The following DOCK1 variants were observed in gnomAD, a reference collection of about 807,000 sequenced individuals.
The protein encoded by DOCK1 is dedicator of cytokinesis 1.
In DOCK1, 138 loss-of-function variants were observed where a neutral mutation model predicts 262.7. The observed-to-expected ratio is 0.53, with a 90% CI of 0.46 to 0.61. DOCK1 has a LOEUF of 0.61. Among genes scored for constraint, DOCK1 ranks in the 20% least tolerant of loss-of-function variants. DOCK1 has a pLI of 0.00. For synonymous variants in DOCK1, 866 were observed against 867.4 expected, an observed-to-expected ratio of 1.00 and a Z score of 0.03; for missense variants, 1,908 against 2,370.7, an observed-to-expected ratio of 0.80 and a Z score of 4.05.
chr10:126,941,001 AAAC>A (rs2134249011), intron 1 of DOCK1, among the ~76,000 whole-genome samples: 1 of 152,350 alleles, frequency 6.6e-6, no homozygotes, highest in East Asian at 1.9e-4. Context: ...ACAGATGGAT[AAAC>A]AACCAAAGTA....
intron 1 of DOCK1, among the ~76,000 whole-genome samples, chr10:126,936,001 G>A: frequency 6.6e-6 from 1 of 152,176 alleles, no homozygotes; most frequent in Non-Finnish European, 1.5e-5. Flanking sequence ...AATTTTTTTA[G>A]ACAAGGCCTC....
At chr10:127,337,600 G>C (rs1414067607) in intron 29 of DOCK1, among the ~76,000 whole-genome samples, 4 of 152,164 alleles carry the variant, frequency 2.6e-5, no homozygotes, top group Non-Finnish European at 5.9e-5. Context: ...CCCAGCCTGT[G>C]TTCTTGGTTA....
chr10:127,364,512 C>T (rs1217149993), intron 33 of DOCK1, among the ~76,000 whole-genome samples: 5 of 152,088 alleles, frequency 3.3e-5, no homozygotes, highest in African/African-American at 7.2e-5. Flanking sequence ...ATTACAGGTG[C>T]GTGCCACCAC....
At chr10:127,410,187 C>A (rs2067760550) in intron 42 of DOCK1, among the ~76,000 whole-genome samples, 1 of 152,196 alleles carries the variant, frequency 6.6e-6, no homozygotes, top group Non-Finnish European at 1.5e-5. Flanking sequence ...TAAACTGGGA[C>A]CCTGTTTATT....
rs111405495 is a variant in DOCK1 at position 127,438,737 on chromosome 10, A to G, written c.5061-290A>G. ...CCTTTTGAAATATGCCCTAAATACC[A>G]TCCTCCCATCGTAAATGAACAATTC... On this transcript the variant is annotated intron_variant, in intron 48 of 51. Coordinates refer to ENST00000623213, the MANE Select transcript of DOCK1 (RefSeq NM_001290223.2). Among the ~76,000 whole-genome samples, 637 of 152,292 alleles carry G rather than the reference A, an allele frequency of 4.2e-3. 5 individuals carry two copies. Among genetic ancestry groups the G allele is most frequent in the African/African-American group, 0.011 (468 of 41,552 alleles).
chr10:127,373,917 G>C (rs2065344174), intron 34 of DOCK1, 51 bp downstream of exon 34: 1 of 1,565,908 alleles, frequency 6.4e-7, no homozygotes, highest in Non-Finnish European at 8.7e-7. Context: ...CAGAGACAGA[G>C]AGACCGTAAT....
chr10:127,059,410 T>C (rs1424684798), intron 22 of DOCK1, among the ~76,000 whole-genome samples: 4 of 152,204 alleles, frequency 2.6e-5, no homozygotes, highest in Non-Finnish European at 5.9e-5. Context: ...ATCTTCCTCC[T>C]TTTCTCCTGG....
At chr10:127,046,281 C>G (rs1320701185) in intron 21 of DOCK1, among the ~76,000 whole-genome samples, 2 of 152,154 alleles carry the variant, frequency 1.3e-5, no homozygotes, top group Non-Finnish European at 2.9e-5. Flanking sequence ...CCGCAGAGGC[C>G]TATATGGCAA....
chr10:127,110,525 T>C (rs1448813555), intron 25 of DOCK1, among the ~76,000 whole-genome samples, 171 bp downstream of exon 25: 1 of 152,200 alleles, frequency 6.6e-6, no homozygotes, highest in Non-Finnish European at 1.5e-5. Flanking sequence ...AATTGACATG[T>C]AATGCAGGTA....
chr10:127,280,244 C>T (rs185373473), intron 29 of DOCK1, among the ~76,000 whole-genome samples: 1,658 of 151,676 alleles, frequency 0.011, 37 homozygotes, highest in African/African-American at 0.038. Flanking sequence ...CCGTTTTAGC[C>T]GGGATGGTCT....
intron 29 of DOCK1, among the ~76,000 whole-genome samples, chr10:127,276,605 G>T (rs974444485): frequency 2.6e-5 from 4 of 152,156 alleles, no homozygotes; most frequent in African/African-American, 9.7e-5. Context: ...TCAGGCTCTA[G>T]CTGTGGGACG....
At chr10:127,447,162 G>A (rs869799) in intron 50 of DOCK1, among the ~76,000 whole-genome samples, 79,900 of 152,002 alleles carry the variant, frequency 0.53, 21,592 homozygotes, top group African/African-American at 0.65. Context: ...TCCAGTTTTA[G>A]TGTTCGTGTG....
intron 2 of DOCK1, among the ~76,000 whole-genome samples, chr10:126,976,200 G>T (rs151192134): frequency 1.2e-4 from 18 of 152,222 alleles, no homozygotes; most frequent in Middle Eastern, 3.4e-3. Flanking sequence ...CGCTGATACT[G>T]GGCCAGCTTA....
chr10:127,185,562 A>G (rs2056155109), intron 27 of DOCK1, among the ~76,000 whole-genome samples: 1 of 152,206 alleles, frequency 6.6e-6, no homozygotes, highest in African/African-American at 2.4e-5. Context: ...GAGATACAGC[A>G]AGAAGACTTA....
At chr10:126,920,184 T>C (rs1259695304) in intron 1 of DOCK1, among the ~76,000 whole-genome samples, 2 of 152,254 alleles carry the variant, frequency 1.3e-5, no homozygotes, top group Non-Finnish European at 2.9e-5. Flanking sequence ...TACACGACTC[T>C]GTATGTTCTT....
At chr10:127,391,197 A>G (rs2066456254) in intron 38 of DOCK1, among the ~76,000 whole-genome samples, 1 of 152,234 alleles carries the variant, frequency 6.6e-6, no homozygotes, top group Non-Finnish European at 1.5e-5. Context: ...AAAAAGCATG[A>G]TCACAAGCAC....
chr10:127,433,736 C>T (rs760952460), intron 48 of DOCK1, among the ~76,000 whole-genome samples: 16 of 152,114 alleles, frequency 1.1e-4, no homozygotes, highest in South Asian at 4.1e-4. Context: ...TGTCCACCCG[C>T]GGCCCACGGG....
intron 29 of DOCK1, among the ~76,000 whole-genome samples, chr10:127,308,005 G>T (rs956909351): frequency 2.6e-5 from 4 of 152,234 alleles, no homozygotes; most frequent in African/African-American, 9.6e-5. Flanking sequence ...GAACCATGGG[G>T]TCTCCTGGGG....
intron 27 of DOCK1, among the ~76,000 whole-genome samples, chr10:127,229,695 A>T (rs574820237): frequency 6.6e-6 from 1 of 152,300 alleles, no homozygotes; most frequent in Admixed American, 6.5e-5. Flanking sequence ...TGTACATGGG[A>T]GTGCAAATAT....
Sources: allele counts gnomAD v4.1 joint callset (sites outside exome capture counted in the v4.1 genomes callset), GRCh38; gene constraint gnomAD v4.1.1; transcripts MANE v1.5; gene names NCBI Gene and HGNC (gene_info 2026-07-23, HGNC 2026-07-21).